The following CLPB variants were observed in gnomAD, a reference collection of about 807,000 sequenced individuals.
The protein encoded by CLPB is mitochondrial disaggregase.
In CLPB, 40 loss-of-function variants were observed where a neutral mutation model predicts 78.4. That is an observed-to-expected ratio of 0.51 (90% confidence interval 0.40 to 0.66). CLPB has a LOEUF of 0.66. Ranked by LOEUF, CLPB falls within the 30% of genes least tolerant of loss-of-function variation. The probability of loss-of-function intolerance (pLI) is 0.00; values close to 1 mark genes in which losing one functional copy is unlikely to be tolerated. For missense variants in CLPB, 780 were observed against 886.9 expected, an observed-to-expected ratio of 0.88 and a Z score of 1.53; for synonymous variants, 333 against 348.0, an observed-to-expected ratio of 0.96 and a Z score of 0.48.
intron 4 of CLPB, among the ~76,000 whole-genome samples, chr11:72,374,286 T>C (rs1379250910): frequency 1.3e-5 from 2 of 152,214 alleles, no homozygotes; most frequent in Admixed American, 6.5e-5. Context: ...CCCTATAAGA[T>C]GGGTATTGTT....
At chr11:72,302,052 G>C (rs1213137845) in intron 10 of CLPB, 88 bp from the exon 11 acceptor site, 17 of 1,447,320 alleles carry the variant, frequency 1.2e-5, no homozygotes, top group Non-Finnish European at 1.4e-5. Context: ...GACTTTATAC[G>C]CTATTAAGGT....
At chr11:72,311,996 G>A (rs1949856056) in intron 7 of CLPB, among the ~76,000 whole-genome samples, 2 of 152,292 alleles carry the variant, frequency 1.3e-5, no homozygotes, top group South Asian at 4.1e-4. Context: ...TAACTTGCAG[G>A]TCTGTATTCT....
At position 72,312,225 on chromosome 11, in the gene CLPB, T is replaced by G. The variant is rs964450594; in HGVS notation, c.989-3621A>C. The stretch of plus-strand genomic sequence containing the variant: ...CAAGTTAATGGTGATGAAAGCAATT[T>G]GTAAGTGGCGAGGAGTGGGATAACA... On this transcript the variant is annotated intron_variant, in intron 7 of 15. Coordinates refer to ENST00000538039, the MANE Select transcript of CLPB (RefSeq NM_001258392.3). This position sits in a 1 kb window ranked among gnomAD's most constrained non-coding sequence, Gnocchi z 4.2. Among the ~76,000 whole-genome samples the G allele has an allele frequency of 3.9e-5, 6 of 152,342 alleles. No homozygotes were observed. The highest frequency in any genetic ancestry group is 1.3e-4 in the Admixed American group (2 of 15,306).
At chr11:72,354,277 GTA>G (rs57178829) in intron 5 of CLPB, 82,353 of 329,800 alleles carry the variant, frequency 0.25, 1,030 homozygotes, top group Middle Eastern at 0.3. Context: ...GTGTGTGTGT[GTA>G]TATATATATA....
chr11:72,380,891 A>C (rs1854890587), intron 3 of CLPB, among the ~76,000 whole-genome samples: 1 of 152,236 alleles, frequency 6.6e-6, no homozygotes. Context: ...ACAATAATTA[A>C]GTATAAAGCT....
chr11:72,366,322 CCT>C (rs1950941789), intron 4 of CLPB, among the ~76,000 whole-genome samples: 1 of 152,138 alleles, frequency 6.6e-6, no homozygotes, highest in South Asian at 2.1e-4. Context: ...TCAAGCGATT[CCT>C]CTGTGTCAGC....
At chr11:72,420,352 G>C (rs923642610) in intron 2 of CLPB, among the ~76,000 whole-genome samples, 4 of 152,140 alleles carry the variant, frequency 2.6e-5, no homozygotes, top group African/African-American at 9.7e-5. Context: ...AAATTAGCTG[G>C]GCGCAGTAGC....
chr11:72,299,078 C>T (rs1389154573), intron 11 of CLPB, among the ~76,000 whole-genome samples: 1 of 152,228 alleles, frequency 6.6e-6, no homozygotes, highest in Non-Finnish European at 1.5e-5. Flanking sequence ...CATTTCCACA[C>T]CTCAGTGCCT....
At chr11:72,356,512 C>G (rs35483964) in intron 5 of CLPB, among the ~76,000 whole-genome samples, 1 of 152,100 alleles carries the variant, frequency 6.6e-6, no homozygotes, top group Non-Finnish European at 1.5e-5. Flanking sequence ...CCTGCAGGCC[C>G]TGAGTGACGG....
Position 72,289,283 on chromosome 11 carries a change from TAA to T in CLPB, c.*4082_*4083del, listed in dbSNP as rs1949424560. The T allele has an allele frequency of 3.3e-5, 5 of 152,172 alleles. No homozygotes were observed. In the South Asian group the frequency reaches 1.0e-3, roughly 32 times the overall value. The allele number at this position is 152,172 out of a possible 1,614,324, so 9.4% of individuals were successfully genotyped here. A position where few individuals can be genotyped will look rare whatever the true frequency, so the allele number is the denominator to read the frequency against. On this transcript the variant is annotated 3_prime_UTR_variant, in exon 16 of 16. Transcript: ENST00000538039. ...AAGGTGGCCATTGGCTTTTCTTGTA[TAA>T]AAGTTATCTGATTTTAAGTTATATG...
At chr11:72,296,332 T>C (rs1015689772) in intron 11 of CLPB, among the ~76,000 whole-genome samples, 1 of 152,202 alleles carries the variant, frequency 6.6e-6, no homozygotes, top group Non-Finnish European at 1.5e-5. Context: ...AAAAATGAGA[T>C]TGCTTCTTTA....
chr11:72,307,326 A>C, intron 8 of CLPB, 72 bp from the exon 9 acceptor site: 3 of 1,229,832 alleles, frequency 2.4e-6, no homozygotes, highest in Middle Eastern at 2.3e-4. Flanking sequence ...GAATACTAGA[A>C]ATGCACGGAC....
intron 3 of CLPB, among the ~76,000 whole-genome samples, chr11:72,384,982 G>C (rs1425358992): frequency 1.3e-5 from 2 of 152,130 alleles, no homozygotes; most frequent in Non-Finnish European, 2.9e-5. Context: ...GCAATGGACA[G>C]GTCATCCAGA....
In CLPB at chr11:72,294,656, C is replaced by G. The variant is rs747585410; in HGVS notation, c.1524G>C (p.Lys508Asn). Residue 508 changes from lysine (K) to asparagine (N), a missense_variant, in exon 13 of 16, where the codon AAG (lysine) becomes AAC (asparagine). This residue lies in a region of CLPB where 272 missense variants were observed against 304.0 expected (regional missense o/e 0.89). Coordinates refer to ENST00000538039, the MANE Select transcript of CLPB (RefSeq NM_001258392.3). ...VQISDKITIS[K>N]NFKENVIRPI... ...GGCGAATCACATTCTCCTTGAAGTT[C>G]TTTGAGATGGTGATCTTGTCACTTA... 6.2e-7 allele frequency: 1 copy of G among 1,614,166 alleles called. No homozygotes were observed. Among genetic ancestry groups the G allele is most frequent in the South Asian group, 1.1e-5 (1 of 91,080 alleles).
chr11:72,366,740 G>A (rs936439399), intron 4 of CLPB, among the ~76,000 whole-genome samples: 1 of 152,092 alleles, frequency 6.6e-6, no homozygotes, highest in African/African-American at 2.4e-5. Flanking sequence ...TCTTATTGGT[G>A]AGGCTGTAGA....
intron 2 of CLPB, among the ~76,000 whole-genome samples, chr11:72,403,362 G>C (rs1308704954): frequency 6.6e-6 from 1 of 152,108 alleles, no homozygotes; most frequent in Admixed American, 6.5e-5. Flanking sequence ...TTTGAGAAAA[G>C]AATGGTCCCT....
intron 4 of CLPB, among the ~76,000 whole-genome samples, chr11:72,379,470 A>C (rs1854830740): frequency 6.6e-6 from 1 of 152,118 alleles, no homozygotes; most frequent in African/African-American, 2.4e-5. Flanking sequence ...CCCACTTTGG[A>C]AGAAGTACTC....
At chr11:72,346,724 T>A (rs1950521753) in intron 5 of CLPB, among the ~76,000 whole-genome samples, 2 of 151,866 alleles carry the variant, frequency 1.3e-5, no homozygotes, top group Admixed American at 1.3e-4. Context: ...ACACCTGTAA[T>A]CCCAGCACTT....
intron 2 of CLPB, among the ~76,000 whole-genome samples, chr11:72,409,135 G>C (rs768938153): frequency 2.0e-5 from 3 of 152,232 alleles, no homozygotes; most frequent in Non-Finnish European, 4.4e-5. Flanking sequence ...GGGCTAGAGA[G>C]GCAGGGTGGG....
Sources: allele counts gnomAD v4.1 joint callset (sites outside exome capture counted in the v4.1 genomes callset), GRCh38; gene constraint gnomAD v4.1.1; regional missense constraint gnomAD v4.1.1; non-coding constraint Gnocchi (gnomAD v3.1); transcripts MANE v1.5; gene names NCBI Gene and HGNC (gene_info 2026-07-23, HGNC 2026-07-21).